XIST: variants seen among roughly 807,000 people sequenced by gnomAD.
The protein encoded by XIST is X inactive specific transcript (non-protein coding).
intron 2 of XIST, among the ~76,000 whole-genome samples, chrX:73,835,600 C>T (rs1356660677): frequency 8.9e-6 from 1 of 112,001 alleles, no homozygotes; most frequent in African/African-American, 3.2e-5. Context: ...GATTTCATTC[C>T]AGGTTTGTTC....
chrX:73,850,388 C>T (rs767693282), exon 1 of XIST: 4 of 533,249 alleles, frequency 7.5e-6, no homozygotes, highest in Non-Finnish European at 1.3e-5. Context: ...ACAAATAAAG[C>T]CTCTTAATAC....
At chrX:73,846,597 C>T (rs753500037) in exon 1 of XIST, 1 of 557,878 alleles carries the variant, frequency 1.8e-6, no homozygotes, top group East Asian at 3.3e-5. Flanking sequence ...CTTGTGGTCA[C>T]TTACAATTGT....
intron 4 of XIST, chrX:73,829,516 C>T (rs772323248): frequency 8.7e-5 from 16 of 183,131 alleles, no homozygotes; most frequent in African/African-American, 3.3e-4. Flanking sequence ...AACTGCCGGG[C>T]GCGGTGGCTC....
At chrX:73,851,801 T>C in exon 1 of XIST, 1 of 558,402 alleles carries the variant, frequency 1.8e-6, no homozygotes, top group Admixed American at 2.2e-5. Context: ...CTAAGCCGAG[T>C]TATGCGGCAA....
At chrX:73,851,154 A>G (rs756216900) in exon 1 of XIST, 21 of 558,251 alleles carry the variant, frequency 3.8e-5, no homozygotes, top group Non-Finnish European at 5.8e-5. Flanking sequence ...GCAATCCAGC[A>G]CTGTCCATCC....
chrX:73,836,473 G>A (rs910242746), intron 2 of XIST, among the ~76,000 whole-genome samples: 16 of 111,623 alleles, frequency 1.4e-4, no homozygotes, highest in African/African-American at 5.2e-4. Flanking sequence ...GGAGGTAACA[G>A]ATAAGCAAGG....
At chrX:73,830,168 CAT>C (rs1170138416) in intron 4 of XIST, among the ~76,000 whole-genome samples, 1 of 111,467 alleles carries the variant, frequency 9.0e-6, no homozygotes, top group African/African-American at 3.3e-5. Context: ...AGAAAATTCA[CAT>C]AGACTACTGG....
intron 2 of XIST, among the ~76,000 whole-genome samples, chrX:73,837,188 T>C (rs966552318): frequency 9.0e-6 from 1 of 111,282 alleles, no homozygotes; most frequent in African/African-American, 3.3e-5. Context: ...ACCTGACAAA[T>C]AGTACCTCAG....
At chrX:73,831,742 C>G (rs1922388999) in intron 3 of XIST, among the ~76,000 whole-genome samples, 1 of 111,696 alleles carries the variant, frequency 9.0e-6, no homozygotes. Context: ...TGGTCTAACC[C>G]TATGAGTTAT....
chrX:73,825,472 A>G (rs1922229177), exon 6 of XIST: 1 of 522,170 alleles, frequency 1.9e-6, no homozygotes, highest in Admixed American at 2.6e-5. Flanking sequence ...GATATCAATA[A>G]TCATTGCATT....
At chrX:73,829,109 G>C in exon 5 of XIST, 1 of 558,619 alleles carries the variant, frequency 1.8e-6, no homozygotes, top group Non-Finnish European at 3.2e-6. Flanking sequence ...CAGGCATGTT[G>C]ATCTTCAGGT....
At chrX:73,843,230 A>C (rs918077922) in exon 1 of XIST, 1 of 556,443 alleles carries the variant, frequency 1.8e-6, no homozygotes. Flanking sequence ...ATAATATCCC[A>C]CTCTACCAGA....
At position 73,850,422 on chromosome X, in the gene XIST, C is replaced by T. The variant is rs887059224; in HGVS notation, n.2302G>A. 1.1e-4 allele frequency: 58 copies of T among 539,388 alleles called. No individual in the cohort carries two copies. In the African/African-American group the frequency reaches 1.2e-3, roughly 12 times the overall value. 44.5% of individuals were successfully genotyped at this position (539,388 alleles called of 1,213,427 possible). A position where few individuals can be genotyped will look rare whatever the true frequency, so the allele number is the denominator to read the frequency against. The stretch of plus-strand genomic sequence containing the variant: ...ACATTTCTATAATAGTCACTTAAGA[C>T]TTAAATTCAAACACTAGCAAACCAC... On this transcript the variant is annotated non_coding_transcript_exon_variant, in exon 1 of 6. Coordinates refer to ENST00000429829, the Ensembl canonical transcript of XIST.
chrX:73,826,632 A>C (rs370892546), exon 6 of XIST: 121 of 557,539 alleles, frequency 2.2e-4, no homozygotes, highest in Middle Eastern at 3.1e-4. Context: ...GAAAAGAGGT[A>C]GGGTTTAGGG....
chrX:73,844,573 T>C (rs1922683867), exon 1 of XIST: 1 of 559,177 alleles, frequency 1.8e-6, no homozygotes, highest in Non-Finnish European at 3.2e-6. Context: ...TTGTGCACCT[T>C]GATTGTCCAA....
exon 1 of XIST, chrX:73,842,871 T>G (rs200363660): frequency 1.4e-4 from 76 of 555,801 alleles, no homozygotes; most frequent in Non-Finnish European, 1.8e-4. Context: ...TATGGACACC[T>G]GAGATTGTGA....
chrX:73,827,533 G>T (rs1178939435), exon 6 of XIST: 2 of 537,300 alleles, frequency 3.7e-6, no homozygotes, highest in Non-Finnish European at 6.7e-6. Context: ...AGGCAGAAAG[G>T]AAATGCAGAA....
exon 1 of XIST, chrX:73,847,149 A>C (rs754076514): frequency 1.8e-6 from 1 of 559,226 alleles, no homozygotes; most frequent in South Asian, 2.2e-5. Flanking sequence ...GGGTCCTTAC[A>C]TGGTAAAAAA....
chrX:73,841,480 C>T (rs757390791), exon 1 of XIST: 9 of 556,134 alleles, frequency 1.6e-5, no homozygotes, highest in African/African-American at 6.7e-5. Flanking sequence ...CATCCTTCTC[C>T]GAGAAACAAT....
Sources: gnomAD v4.1 joint callset for allele counts (sites outside exome capture counted in the v4.1 genomes callset) on GRCh38, gnomAD v4.1.1 for gene constraint, MANE v1.5 for transcripts, NCBI Gene and HGNC (gene_info 2026-07-23, HGNC 2026-07-21) for gene names.